Variants in SKI observed in about 807,000 individuals in gnomAD.
SKI encodes ski oncogene.
A neutral mutation model predicts 59.3 loss-of-function variants in SKI; 23 were observed. The ratio of observed to expected loss-of-function variants is 0.39; its 90% confidence interval spans 0.28 to 0.55. The LOEUF is 0.55. Ranked by LOEUF, SKI falls within the 20% of genes least tolerant of loss-of-function variation. The pLI, the probability that SKI is intolerant of heterozygous loss-of-function variation, is 0.67. For missense variants in SKI, 1,017 were observed against 1,038.9 expected (o/e 0.98, Z 0.29); for synonymous variants, 673 against 488.6 (o/e 1.38, Z -4.98).
chr1:2,250,568 G>A (rs1569721868), intron 1 of SKI, among the ~76,000 whole-genome samples: 2 of 152,286 alleles, frequency 1.3e-5, no homozygotes, highest in South Asian at 2.1e-4. Context: ...GCCTCCTCTC[G>A]CCACGACTGT....
chr1:2,242,378 G>C (rs1638899186), intron 1 of SKI, among the ~76,000 whole-genome samples: 1 of 152,176 alleles, frequency 6.6e-6, no homozygotes. Flanking sequence ...TTCACGTCAG[G>C]GGAGAGGCAG....
rs569206617 is a variant in SKI at position 2,229,237 on chromosome 1, G to A, written c.471G>A (p.Gln157=). 9.2e-5 allele frequency: 147 copies of A among 1,605,600 alleles called. 2 individuals carry two copies. In the South Asian group the frequency reaches 1.5e-3, roughly 17 times the overall value. Residue 157 remains glutamine (Q), a synonymous_variant, in exon 1 of 7, where the codon CAG becomes CAA. Coordinates refer to ENST00000378536, the MANE Select transcript of SKI (RefSeq NM_003036.4). The surrounding 1 kb of genome is among the most constrained non-coding windows in gnomAD (Gnocchi z 6.3). ...ACTGCTCGCGCTGCACGGCCGACCA[G>A]CTGGAGATCCTCAAAGTCATGGGCA... is the stretch of plus-strand genomic sequence containing the variant. ...HIYCSRCTAD[Q]LEILKVMGIL...
chr1:2,229,015 G>A lies in SKI; in HGVS notation c.249G>A (p.Pro83=), dbSNP rs1638569372. 6.3e-7 allele frequency: 1 copy of A among 1,588,584 alleles called. No individual in the cohort carries two copies. ...VLHLPAIQPP[P]PVLPGPFFMP... is the part of the protein sequence containing the mutation. ...ACCTGCCCGCCATCCAGCCGCCGCC[G>A]CCCGTGCTGCCCGGGCCCTTCTTCA... The change falls in exon 1 of 7, where the codon CCG becomes CCA. Residue 83 remains proline (P), a synonymous_variant. Transcript: ENST00000378536. This position sits in a 1 kb window ranked among gnomAD's most constrained non-coding sequence, Gnocchi z 6.3.
Position 2,303,353 on chromosome 1 carries a change from G to C in SKI, c.1164G>C (p.Ala388=). 1 of 1,613,730 alleles carries C rather than the reference G, an allele frequency of 6.2e-7. No individual in the cohort carries two copies. Among genetic ancestry groups the C allele is most frequent in the Non-Finnish European group, 8.5e-7 (1 of 1,180,036 alleles). Residue 388 remains alanine (A), a synonymous_variant, in exon 3 of 7, where the codon GCG becomes GCC. Transcript: ENST00000378536. The surrounding 1 kb of genome is among the most constrained non-coding windows in gnomAD (Gnocchi z 5.6). ...AFRPWSPAVS[A]SEKELSPHLP... ...GACCCTGGTCCCCCGCAGTGTCAGC[G>C]AGTGAGAAAGAGCTCTCCCCACACC... is the stretch of plus-strand genomic sequence containing the variant.
chr1:2,304,261 T>C, intron 4 of SKI, 32 bp from the exon 5 acceptor site: 1 of 1,551,816 alleles, frequency 6.4e-7, no homozygotes, highest in Non-Finnish European at 8.7e-7. Context: ...GGCACTTCCA[T>C]GACTTTGTTT....
chr1:2,249,035 C>G (rs1639061002), intron 1 of SKI, among the ~76,000 whole-genome samples: 1 of 152,374 alleles, frequency 6.6e-6, no homozygotes, highest in East Asian at 1.9e-4. Flanking sequence ...CCCGTAGGTA[C>G]TTAGCAAAAT....
intron 1 of SKI, among the ~76,000 whole-genome samples, chr1:2,288,680 G>C (rs973553919): frequency 6.6e-6 from 1 of 152,220 alleles, no homozygotes; most frequent in Non-Finnish European, 1.5e-5. Context: ...AGAGTCAGCT[G>C]GCAGTGGCTG....
At chr1:2,289,059 G>A (rs772815004) in intron 1 of SKI, among the ~76,000 whole-genome samples, 88 of 152,304 alleles carry the variant, frequency 5.8e-4, no homozygotes, top group Non-Finnish European at 7.5e-4. Flanking sequence ...GCACCCACCC[G>A]GGAAGTGGAG....
Position 2,307,019 on chromosome 1 carries a change from C to T in SKI, c.*254C>T, listed in dbSNP as rs768180847. The T allele has an allele frequency of 3.0e-5, 9 of 295,516 alleles. No homozygotes were observed. In the South Asian group the frequency reaches 4.4e-4, roughly 14 times the overall value. The allele number at this position is 295,516 out of a possible 1,614,324, so 18.3% of individuals were successfully genotyped here. A position where few individuals can be genotyped will look rare whatever the true frequency, so the allele number is the denominator to read the frequency against. On this transcript the variant is annotated 3_prime_UTR_variant, in exon 7 of 7. Transcript: ENST00000378536. ...GGGCCAGCTCGGCGGCCTGCTGGTC[C>T]TCTGCTTGCTGGAACATTCTAACAT...
chr1:2,304,158 G>A, intron 4 of SKI, 56 bp downstream of exon 4: 1 of 1,602,092 alleles, frequency 6.2e-7, no homozygotes, highest in East Asian at 2.3e-5. Context: ...GGTGGCACTG[G>A]CTGAGGGGGG....
At chr1:2,304,654 G>A (rs985675150) in intron 5 of SKI, 69 bp downstream of exon 5, 9 of 1,479,554 alleles carry the variant, frequency 6.1e-6, no homozygotes, top group Admixed American at 2.2e-5. Flanking sequence ...CCAGGTGAAC[G>A]GGCACAGGTG....
intron 1 of SKI, among the ~76,000 whole-genome samples, chr1:2,261,429 T>A (rs1639384055): frequency 6.6e-6 from 1 of 152,260 alleles, no homozygotes; most frequent in Admixed American, 6.5e-5. Flanking sequence ...TGGGTTGTTA[T>A]TAATTTAGTA....
At position 2,307,199 on chromosome 1, in the gene SKI, C is replaced by T. The variant is rs1640615343; in HGVS notation, c.*434C>T. On this transcript the variant is annotated 3_prime_UTR_variant, in exon 7 of 7. Coordinates refer to ENST00000378536, the MANE Select transcript of SKI (RefSeq NM_003036.4). ...GGGGTGGCGGCCGCCCCACCCTCCCCACCCGGGGAAGCCATCACAGCTCAT... is the reference window on the plus strand; with the variant it reads ...GGGGTGGCGGCCGCCCCACCCTCCCTACCCGGGGAAGCCATCACAGCTCAT... 1 of 153,598 alleles carries T rather than the reference C, an allele frequency of 6.5e-6. No homozygotes were observed. Among genetic ancestry groups the T allele is most frequent in the African/African-American group, 2.4e-5 (1 of 41,412 alleles). 9.5% of individuals were successfully genotyped at this position (153,598 alleles called of 1,614,324 possible).
intron 1 of SKI, among the ~76,000 whole-genome samples, chr1:2,271,916 C>T (rs1639630687): frequency 6.6e-6 from 1 of 152,186 alleles, no homozygotes; most frequent in Non-Finnish European, 1.5e-5. Context: ...TGCATCTGGT[C>T]CTGGCCCGTG....
chr1:2,287,423 G>A (rs1419961595), intron 1 of SKI, among the ~76,000 whole-genome samples: 4 of 148,942 alleles, frequency 2.7e-5, no homozygotes, highest in African/African-American at 5.0e-5. Context: ...TGCAAGCTCC[G>A]CCTCCCGGGT....
intron 1 of SKI, among the ~76,000 whole-genome samples, chr1:2,260,541 T>TTTTTTTTTATTTA (rs1553194302): frequency 8.0e-6 from 1 of 125,318 alleles, no homozygotes; most frequent in Non-Finnish European, 1.6e-5. Flanking sequence ...TTTTCTTTTT[T>TTTTTTTTTATTTA]TTTTTTTTTT....
At chr1:2,280,497 T>A (rs1639851608) in intron 1 of SKI, among the ~76,000 whole-genome samples, 2 of 151,904 alleles carry the variant, frequency 1.3e-5, no homozygotes, top group South Asian at 4.1e-4. Context: ...CCCGGAATGG[T>A]CTTGGAAAGA....
intron 1 of SKI, among the ~76,000 whole-genome samples, chr1:2,289,237 G>A (rs972620751): frequency 2.6e-5 from 4 of 152,168 alleles, no homozygotes; most frequent in African/African-American, 4.8e-5. Context: ...TCAGAGACCC[G>A]GAGGTGGCCC....
chr1:2,238,958 A>AG (rs1245120021), intron 1 of SKI, among the ~76,000 whole-genome samples: 1 of 151,970 alleles, frequency 6.6e-6, no homozygotes, highest in Non-Finnish European at 1.5e-5. Flanking sequence ...GTGGACCTGG[A>AG]GGGGGGTGGG....
Sources: gnomAD v4.1 joint callset for allele counts (sites outside exome capture counted in the v4.1 genomes callset) on GRCh38, gnomAD v4.1.1 for gene constraint, Gnocchi (gnomAD v3.1) non-coding constraint, MANE v1.5 for transcripts, NCBI Gene and HGNC (gene_info 2026-07-23, HGNC 2026-07-21) for gene names.